Variants in FAT3 observed in about 807,000 individuals in gnomAD.
FAT3 encodes protocadherin Fat 3.
In FAT3, 95 loss-of-function variants were observed where a neutral mutation model predicts 310.2. That is an observed-to-expected ratio of 0.31 (90% confidence interval 0.26 to 0.36). The LOEUF (loss-of-function observed/expected upper bound fraction) is 0.36, where lower values mean the gene tolerates loss of function less well. Ranked by LOEUF, FAT3 falls within the 10% of genes least tolerant of loss-of-function variation. The pLI, the probability that FAT3 is intolerant of heterozygous loss-of-function variation, is 1.00. For missense variants in FAT3, 5,408 were observed against 5,715.6 expected (o/e 0.95, Z 1.74); for synonymous variants, 2,314 against 2,192.9 (o/e 1.06, Z -1.54).
At chr11:92,609,729 A>G (rs1403268007) in intron 3 of FAT3, among the ~76,000 whole-genome samples, 3 of 152,294 alleles carry the variant, frequency 2.0e-5, no homozygotes, top group Middle Eastern at 3.4e-3. Context: ...AGGATATAAT[A>G]TGAAAGTGTG....
At position 92,883,513 on chromosome 11, in the gene FAT3, T is replaced by A; in HGVS notation, c.12937+120T>A. 3.8e-6 allele frequency: 5 copies of A among 1,301,582 alleles called. No individual in the cohort carries two copies. Among genetic ancestry groups the A allele is most frequent in the Middle Eastern group, 2.8e-4 (1 of 3,592 alleles). The allele number at this position is 1,301,582 out of a possible 1,614,324, so 80.6% of individuals were successfully genotyped here. ...CATGCAGAGCATTCGCTATGACATG[T>A]GCTGATGTCGAATGTGCACACCAGC... On this transcript the variant is annotated intron_variant, in intron 24 of 27. Coordinates refer to ENST00000525166, the MANE Select transcript of FAT3 (RefSeq NM_001367949.2). This position sits in a 1 kb window ranked among gnomAD's most constrained non-coding sequence, Gnocchi z 4.2.
chr11:92,682,454 A>C (rs1943507352), intron 3 of FAT3, among the ~76,000 whole-genome samples: 2 of 152,186 alleles, frequency 1.3e-5, no homozygotes, highest in South Asian at 4.1e-4. Context: ...GTTTGAATGA[A>C]TCTAAGTCAC....
chr11:92,805,239 C>G lies in FAT3; in HGVS notation c.8983C>G (p.Gln2995Glu), dbSNP rs62622785. ...GAAGAGGCCTCTAGACAGAGAAGAA[C>G]AGGACATTTACTTTCTCAATATCAC... ...YVKRPLDREE[Q>E]DIYFLNITAT... Residue 2995 changes from glutamine (Q) to glutamate (E), a missense_variant, in exon 11 of 28, where the codon CAG becomes GAG. Coordinates refer to ENST00000525166, the MANE Select transcript of FAT3 (RefSeq NM_001367949.2). 4 of 1,613,826 alleles carry G rather than the reference C, an allele frequency of 2.5e-6. No homozygotes were observed. The highest frequency in any genetic ancestry group is 3.4e-6 in the Non-Finnish European group (4 of 1,179,818).
In FAT3 at chr11:92,891,200, G is replaced by A. The variant is rs2136451922; in HGVS notation, c.*87G>A. ...CTTCTGTCCCAGTGGAGCATTGTCT[G>A]TGGAATGAGAAGGGAATACTGTATT... On this transcript the variant is annotated 3_prime_UTR_variant, in exon 28 of 28. Coordinates refer to ENST00000525166, the MANE Select transcript of FAT3 (RefSeq NM_001367949.2). The A allele has an allele frequency of 1.3e-6, 2 of 1,504,826 alleles. No individual in the cohort carries two copies. Among genetic ancestry groups the A allele is most frequent in the Non-Finnish European group, 1.8e-6 (2 of 1,114,174 alleles). The allele number at this position is 1,504,826 out of a possible 1,614,324, so 93.2% of individuals were successfully genotyped here.
rs561945826 is a variant in FAT3, at chr11:92,609,449, T to C, written c.3607+84501T>C. ...ATGCACATTAGTTTGCATGTTAGCC[T>C]ATGTTTTAAATGTGTACTATACAAA... On this transcript the variant is annotated intron_variant, in intron 3 of 27. Coordinates refer to ENST00000525166, the MANE Select transcript of FAT3 (RefSeq NM_001367949.2). Among the ~76,000 whole-genome samples, 6 of 152,340 alleles carry C rather than the reference T, an allele frequency of 3.9e-5. No individual in the cohort carries two copies. In the South Asian group the frequency reaches 1.2e-3, roughly 32 times the overall value.
chr11:92,332,915 C>T (rs1023834920), intron 1 of FAT3, among the ~76,000 whole-genome samples: 1 of 152,054 alleles, frequency 6.6e-6, no homozygotes, highest in African/African-American at 2.4e-5. Context: ...TTAGTATTTT[C>T]CCTCCCTTAA....
intron 1 of FAT3, among the ~76,000 whole-genome samples, chr11:92,277,701 G>A (rs1171473041): frequency 1.3e-5 from 2 of 152,086 alleles, no homozygotes; most frequent in African/African-American, 4.8e-5. Flanking sequence ...GAATACTAGA[G>A]TGGAGAGAGA....
intron 8 of FAT3, among the ~76,000 whole-genome samples, chr11:92,791,417 G>A (rs1947037256): frequency 6.6e-6 from 1 of 152,232 alleles, no homozygotes; most frequent in Non-Finnish European, 1.5e-5. Flanking sequence ...TATTCACTGA[G>A]CTAATTCTGC....
At chr11:92,260,092 T>C (rs1257185970) in intron 1 of FAT3, among the ~76,000 whole-genome samples, 1 of 152,162 alleles carries the variant, frequency 6.6e-6, no homozygotes, top group Non-Finnish European at 1.5e-5. Flanking sequence ...AAGCACCCAT[T>C]TGATAAAACC....
intron 2 of FAT3, among the ~76,000 whole-genome samples, chr11:92,411,439 G>T (rs1203625916): frequency 1.3e-5 from 2 of 151,942 alleles, no homozygotes; most frequent in East Asian, 3.9e-4. Context: ...ATTGTGTCTA[G>T]TTCATTGCTT....
intron 3 of FAT3, among the ~76,000 whole-genome samples, chr11:92,665,804 T>C (rs1190438583): frequency 6.6e-6 from 1 of 152,200 alleles, no homozygotes; most frequent in Non-Finnish European, 1.5e-5. Flanking sequence ...GGTGTTACAA[T>C]GACAGTGACA....
intron 24 of FAT3, among the ~76,000 whole-genome samples, chr11:92,885,247 G>T (rs10830953): frequency 0.27 from 40,512 of 152,066 alleles, 5,769 homozygotes; most frequent in Middle Eastern, 0.38. Context: ...GCTGTGTGTT[G>T]CATCATCTCC....
At position 92,314,484 on chromosome 11, in the gene FAT3, T is replaced by C. The variant is rs183003387; in HGVS notation, c.-17-37612T>C. ...TAAGTATATACTGTAGGCTTTTTTGTTTGCTTTTATTGTCTGCTTATTGTG... is the reference window on the plus strand; with the variant it reads ...TAAGTATATACTGTAGGCTTTTTTGCTTGCTTTTATTGTCTGCTTATTGTG... On this transcript the variant is annotated intron_variant, in intron 1 of 27. Coordinates refer to ENST00000525166, the MANE Select transcript of FAT3 (RefSeq NM_001367949.2). Among the ~76,000 whole-genome samples the C allele has an allele frequency of 1.4e-3, 216 of 152,290 alleles. 1 individual carries two copies. Among genetic ancestry groups the C allele is most frequent in the Middle Eastern group, 3.4e-3 (1 of 294 alleles).
chr11:92,683,064 C>G (rs983865765), intron 3 of FAT3, among the ~76,000 whole-genome samples: 4 of 38,862 alleles, frequency 1.0e-4, no homozygotes. Flanking sequence ...GGTGACACAG[C>G]AAGACTCTAA....
chr11:92,549,859 T>TACCCAACA (rs1429710396), intron 3 of FAT3, among the ~76,000 whole-genome samples: 1 of 152,152 alleles, frequency 6.6e-6, no homozygotes, highest in Non-Finnish European at 1.5e-5. Flanking sequence ...ATACCCAACA[T>TACCCAACA]TTTTTAGTAA....
intron 3 of FAT3, among the ~76,000 whole-genome samples, chr11:92,634,627 A>G (rs924339037): frequency 3.3e-5 from 5 of 152,176 alleles, no homozygotes; most frequent in African/African-American, 1.2e-4. Flanking sequence ...GATCCTCTGC[A>G]GGAGTTCCTC....
intron 2 of FAT3, among the ~76,000 whole-genome samples, chr11:92,402,781 A>G (rs1950048039): frequency 6.6e-6 from 1 of 151,534 alleles, no homozygotes; most frequent in Admixed American, 6.6e-5. Context: ...AACATTAATA[A>G]TAGACACAAA....
At chr11:92,691,128 A>G (rs374316927) in intron 3 of FAT3, among the ~76,000 whole-genome samples, 1 of 152,226 alleles carries the variant, frequency 6.6e-6, no homozygotes, top group Non-Finnish European at 1.5e-5. Flanking sequence ...GAAGAAGACT[A>G]ATGATCTTCT....
Position 92,800,345 on chromosome 11 carries a change from G to A in FAT3, c.7332G>A (p.Met2444Ile). 6.2e-7 allele frequency: 1 copy of A among 1,613,968 alleles called. No homozygotes were observed. Reference protein sequence around the residue: ...LSGNDRTSFLMDSKSGVITLS... With the variant: ...LSGNDRTSFLIDSKSGVITLS... ...GGAATGACCGGACGAGCTTTCTGAT[G>A]GACAGCAAGAGTGGAGTTATCACAT... The change falls in exon 10 of 28, where the codon ATG becomes ATA. Residue 2444 changes from methionine to isoleucine, a missense_variant. Coordinates refer to ENST00000525166, the MANE Select transcript of FAT3 (RefSeq NM_001367949.2).
Sources: allele counts gnomAD v4.1 joint callset (sites outside exome capture counted in the v4.1 genomes callset), GRCh38; gene constraint gnomAD v4.1.1; non-coding constraint Gnocchi (gnomAD v3.1); transcripts MANE v1.5; gene names NCBI Gene and HGNC (gene_info 2026-07-23, HGNC 2026-07-21).